Variants in CEACAM5 observed in about 807,000 individuals in gnomAD.
CEACAM5 encodes the protein CEA cell adhesion molecule 5.
In CEACAM5, 52 loss-of-function variants were observed where a neutral mutation model predicts 63.0. That is an observed-to-expected ratio of 0.83 (90% confidence interval 0.66 to 1.04). The LOEUF is 1.04. Ranked by LOEUF, CEACAM5 falls within the 50% of genes least tolerant of loss-of-function variation. CEACAM5 has a pLI of 0.00. For synonymous variants in CEACAM5, 357 were observed against 351.3 expected (o/e 1.02, Z -0.18); for missense variants, 790 against 864.8 (o/e 0.91, Z 1.08).
chr19:41,726,632 T>C (rs558321303), intron 8 of CEACAM5, among the ~76,000 whole-genome samples: 16 of 152,272 alleles, frequency 1.1e-4, no homozygotes, highest in South Asian at 6.2e-4. Flanking sequence ...CAGACCACGA[T>C]GCAGATCTGA....
Position 41,708,710 on chromosome 19 carries a change from G to A in CEACAM5, c.-22G>A. ...ACTCAAGCTCTTCTCCACAGAGGAG[G>A]ACAGAGCAGACAGCAGAGACCATGG... is the stretch of plus-strand genomic sequence containing the variant. On this transcript the variant is annotated 5_prime_UTR_variant, in exon 1 of 10. Coordinates refer to ENST00000221992, the MANE Select transcript of CEACAM5 (RefSeq NM_004363.6). 6.2e-7 allele frequency: 1 copy of A among 1,604,018 alleles called. No homozygotes were observed. The highest frequency in any genetic ancestry group is 8.5e-7 in the Non-Finnish European group (1 of 1,173,836).
At position 41,717,505 on chromosome 19, in the gene CEACAM5, GA is replaced by G. The variant is rs781979926; in HGVS notation, c.1010del (p.Asp337ValfsTer5). ...ITSNNSNPVE[D>X]EDAVALTCEP... ...CAGCAACAACTCCAACCCCGTGGAG[GA>G]TGAGGATGCTGTAGCCTTAACCTGT... is the stretch of plus-strand genomic sequence containing the variant. On this transcript the variant is annotated frameshift_variant, in exon 5 of 10. Coordinates refer to ENST00000221992, the MANE Select transcript of CEACAM5 (RefSeq NM_004363.6). LOFTEE classifies it high-confidence loss of function. 7 of 1,614,066 alleles carry G rather than the reference GA, an allele frequency of 4.3e-6. No homozygotes were observed. In the African/African-American group the frequency reaches 8.0e-5, roughly 18 times the overall value.
chr19:41,725,858 A>T (rs1555817058), intron 8 of CEACAM5, among the ~76,000 whole-genome samples: 1 of 151,786 alleles, frequency 6.6e-6, no homozygotes, highest in African/African-American at 2.4e-5. Context: ...TTCATGTACT[A>T]TCTGTGGTTT....
rs565114573 is a variant in CEACAM5, at chr19:41,728,959, C to A, written c.*37-225C>A. 3.2e-4 allele frequency among the ~76,000 whole-genome samples: 49 copies of A among 152,140 alleles called. No homozygotes were observed. In the South Asian group the frequency reaches 5.4e-3, roughly 17 times the overall value. ...GATATGTTAAATTATATGGGAAGCA[C>A]TGTCAAATCATTAGTGATGTTAAAC... On this transcript the variant is annotated intron_variant, in intron 9 of 9. Coordinates refer to ENST00000221992, the MANE Select transcript of CEACAM5 (RefSeq NM_004363.6).
chr19:41,720,107 C>T lies in CEACAM5; in HGVS notation c.1670C>T (p.Thr557Ile). ...CTGTCCAATGGCAACAGGACCCTCA[C>T]TCTATTCAATGTCACAAGAAATGAC... ...LQLSNGNRTLTLFNVTRNDAR... is the reference protein window; with the variant it reads ...LQLSNGNRTLILFNVTRNDAR... Residue 557 changes from threonine to isoleucine, a missense_variant, in exon 7 of 10, where the codon ACT (threonine) becomes ATT (isoleucine). Thr to Ile is a moderately conservative substitution (Grantham distance 89). Coordinates refer to ENST00000221992, the MANE Select transcript of CEACAM5 (RefSeq NM_004363.6). The T allele has an allele frequency of 6.2e-7, 1 of 1,614,236 alleles. No homozygotes were observed. Among genetic ancestry groups the T allele is most frequent in the South Asian group, 1.1e-5 (1 of 91,090 alleles).
In CEACAM5 at chr19:41,720,133, G is replaced by T. The variant is rs138799075; in HGVS notation, c.1696G>T (p.Ala566Ser). 1 of 1,614,248 alleles carries T rather than the reference G, an allele frequency of 6.2e-7. No homozygotes were observed. Among genetic ancestry groups the T allele is most frequent in the East Asian group, 2.2e-5 (1 of 44,886 alleles). ...LTLFNVTRND[A>S]RAYVCGIQNS... ...TCTATTCAATGTCACAAGAAATGAC[G>T]CAAGAGCCTATGTATGTGGAATCCA... The change falls in exon 7 of 10, where the codon GCA becomes TCA. Residue 566 changes from alanine (A) to serine (S), a missense_variant. Physicochemically the swap from Ala to Ser is moderately conservative, Grantham distance 99. Coordinates refer to ENST00000221992, the MANE Select transcript of CEACAM5 (RefSeq NM_004363.6).
intron 9 of CEACAM5, among the ~76,000 whole-genome samples, chr19:41,727,885 T>C (rs1420885727): frequency 6.6e-6 from 1 of 152,044 alleles, no homozygotes; most frequent in African/African-American, 2.4e-5. Flanking sequence ...ATCATCCTAA[T>C]AGATCTGTTT....
intron 2 of CEACAM5, among the ~76,000 whole-genome samples, chr19:41,711,749 C>T (rs1169041750): frequency 6.6e-6 from 1 of 152,158 alleles, no homozygotes; most frequent in East Asian, 1.9e-4. Flanking sequence ...CTTCGTCTTC[C>T]TCCCTCTTCA....
chr19:41,710,142 G>A (rs902085443), intron 2 of CEACAM5, 103 bp downstream of exon 2: 37 of 1,491,016 alleles, frequency 2.5e-5, no homozygotes, highest in East Asian at 2.0e-4. Flanking sequence ...TCTGCATTAC[G>A]CACCATGTTA....
intron 9 of CEACAM5, among the ~76,000 whole-genome samples, chr19:41,728,612 C>T (rs560217805): frequency 2.3e-4 from 35 of 151,886 alleles, no homozygotes; most frequent in African/African-American, 8.5e-4. Context: ...TGGTGAAACC[C>T]CCTCTCTACT....
intron 2 of CEACAM5, among the ~76,000 whole-genome samples, chr19:41,713,988 G>C (rs926735199): frequency 6.6e-6 from 1 of 152,174 alleles, no homozygotes; most frequent in Middle Eastern, 3.2e-3. Flanking sequence ...GCCAAGGTGG[G>C]CAGAACACCT....
Position 41,718,165 on chromosome 19 carries a change from C to A in CEACAM5, c.1275C>A (p.Thr425=). The A allele has an allele frequency of 1.2e-6, 2 of 1,614,224 alleles. No individual in the cohort carries two copies. Among genetic ancestry groups the A allele is most frequent in the South Asian group, 2.2e-5 (2 of 91,084 alleles). ...ACCCCACCATTTCCCCCTCATACAC[C>A]TATTACCGTCCAGGGGTGAACCTCA... is the stretch of plus-strand genomic sequence containing the variant. ...PDDPTISPSY[T]YYRPGVNLSL... is the part of the protein sequence containing the mutation. The change falls in exon 6 of 10, where the codon ACC becomes ACA. Residue 425 remains threonine (T), a synonymous_variant. Coordinates refer to ENST00000221992, the MANE Select transcript of CEACAM5 (RefSeq NM_004363.6).
At chr19:41,709,537 GACACACACAC>G (rs71334990) in intron 1 of CEACAM5, 133 bp from the exon 2 acceptor site, 15 of 1,115,810 alleles carry the variant, frequency 1.3e-5, no homozygotes, top group African/African-American at 6.5e-5. Context: ...GACCTAGTAG[GACACACACAC>G]ACACACACAC....
chr19:41,714,435 C>A (rs577668835), intron 2 of CEACAM5, among the ~76,000 whole-genome samples: 9 of 152,204 alleles, frequency 5.9e-5, no homozygotes, highest in African/African-American at 2.2e-4. Context: ...CCTCTGGTGT[C>A]CCCTGTGTTA....
chr19:41,726,493 A>T (rs1555817106), intron 8 of CEACAM5, among the ~76,000 whole-genome samples: 1 of 152,238 alleles, frequency 6.6e-6, no homozygotes, highest in Admixed American at 6.5e-5. Context: ...GCAAAGAATC[A>T]AGCCTGGTAT....
intron 4 of CEACAM5, 57 bp from the exon 5 acceptor site, chr19:41,717,398 C>T (rs2072543096): frequency 1.3e-6 from 2 of 1,562,018 alleles, no homozygotes; most frequent in Non-Finnish European, 1.7e-6. Context: ...TTGATAGATG[C>T]CCGTGGAGGA....
At position 41,717,626 on chromosome 19, in the gene CEACAM5, C is replaced by T. The variant is rs199819373; in HGVS notation, c.1130C>T (p.Thr377Ile). 3.7e-6 allele frequency: 6 copies of T among 1,614,212 alleles called. No homozygotes were observed. The highest frequency in any genetic ancestry group is 5.1e-6 in the Non-Finnish European group (6 of 1,180,040). ...CTGCAGCTGTCCAATGACAACAGGA[C>T]CCTCACTCTACTCAGTGTCACAAGG... ...PRLQLSNDNR[T>I]LTLLSVTRND... The change falls in exon 5 of 10, where the codon ACC becomes ATC. Residue 377 changes from threonine (T) to isoleucine (I), a missense_variant. By Grantham distance (89) the Thr-to-Ile change is moderately conservative. Transcript: ENST00000221992.
intron 4 of CEACAM5, 94 bp downstream of exon 4, chr19:41,715,998 T>C (rs2072521208): frequency 6.9e-7 from 1 of 1,439,508 alleles, no homozygotes; most frequent in Non-Finnish European, 9.6e-7. Context: ...TATCCCAGCC[T>C]GTGTCCAGTG....
intron 2 of CEACAM5, 74 bp downstream of exon 2, chr19:41,710,113 G>C (rs747186878): frequency 4.5e-4 from 695 of 1,556,066 alleles, no homozygotes; most frequent in Non-Finnish European, 5.6e-4. Flanking sequence ...ATCAGGCCTG[G>C]GCTGTGCCTG....
Sources: allele counts gnomAD v4.1 joint callset (sites outside exome capture counted in the v4.1 genomes callset), GRCh38; gene constraint gnomAD v4.1.1; transcripts MANE v1.5; gene names NCBI Gene and HGNC (gene_info 2026-07-23, HGNC 2026-07-21).